Variants in WDFY4 observed in about 807,000 individuals in gnomAD.
The protein encoded by WDFY4 is WD repeat- and FYVE domain-containing protein 4.
In WDFY4, 169 loss-of-function variants were observed where a neutral mutation model predicts 351.9. That is an observed-to-expected ratio of 0.48 (90% CI 0.42 to 0.55). WDFY4 has a LOEUF of 0.55. Among genes scored for constraint, WDFY4 ranks in the 20% least tolerant of loss-of-function variants. The pLI, the probability that WDFY4 is intolerant of heterozygous loss-of-function variation, is 0.00. For synonymous variants in WDFY4, 1,622 were observed against 1,574.6 expected (o/e 1.03, Z -0.71); for missense variants, 3,803 against 3,935.6 (o/e 0.97, Z 0.90).
intron 11 of WDFY4, among the ~76,000 whole-genome samples, chr10:48,741,080 A>G (rs1259419894): frequency 2.0e-5 from 3 of 152,086 alleles, no homozygotes; most frequent in Non-Finnish European, 4.4e-5. Flanking sequence ...GGGGCCCTGG[A>G]AGCCCTTTAT....
At chr10:48,946,594 T>A (rs191012638) in intron 50 of WDFY4, among the ~76,000 whole-genome samples, 1 of 152,338 alleles carries the variant, frequency 6.6e-6, no homozygotes, top group East Asian at 1.9e-4. Context: ...TTGCTCAAGA[T>A]CACAGCCTCT....
chr10:48,773,037 G>GA (rs1056058195), intron 13 of WDFY4, among the ~76,000 whole-genome samples: 7 of 152,012 alleles, frequency 4.6e-5, no homozygotes, highest in Non-Finnish European at 7.4e-5. Flanking sequence ...AGCAGCATGA[G>GA]AAAAAAATGC....
At chr10:48,900,333 A>T in intron 46 of WDFY4, 27 bp downstream of exon 46, 1 of 1,536,838 alleles carries the variant, frequency 6.5e-7, no homozygotes, top group Non-Finnish European at 8.8e-7. Context: ...CCTCCTTCTG[A>T]GGAAACTGAT....
intron 1 of WDFY4, among the ~76,000 whole-genome samples, chr10:48,707,718 G>C (rs2063668776): frequency 6.6e-6 from 1 of 152,198 alleles, no homozygotes; most frequent in Admixed American, 6.5e-5. Flanking sequence ...TGGAAATCAG[G>C]TGCTGTGTGT....
In WDFY4 at chr10:48,926,421, C is replaced by G. The variant is rs572659060; in HGVS notation, c.7587-15385C>G. Among the ~76,000 whole-genome samples, 5 of 152,302 alleles carry G rather than the reference C, an allele frequency of 3.3e-5. No homozygotes were observed. The South Asian group carries it at 1.0e-3, about 32-fold the overall frequency. Reference sequence around the variant, plus strand: ...GCAATGTCACCCCCTAGAGAGTCTGCTAAATGAAGGATGGTGTGCACTCTG... The same window carrying G: ...GCAATGTCACCCCCTAGAGAGTCTGGTAAATGAAGGATGGTGTGCACTCTG... On this transcript the variant is annotated intron_variant, in intron 47 of 61. Transcript: ENST00000325239.
In WDFY4 at chr10:48,951,457, C is replaced by CA. The variant is rs201404323; in HGVS notation, c.7977+4489dup. On this transcript the variant is annotated intron_variant, in intron 51 of 61. Transcript: ENST00000325239. ...TGAGACATGGTCTTGCTCTGTCACT[C>CA]AGGCTAGAGTACAGTGGCATGATCA... is the stretch of plus-strand genomic sequence containing the variant. Among the ~76,000 whole-genome samples the CA allele has an allele frequency of 3.5e-3, 533 of 152,248 alleles. 8 individuals are homozygous for CA. The highest frequency in any genetic ancestry group is 0.012 in the African/African-American group (506 of 41,554).
chr10:48,882,634 G>A (rs1589806911), intron 43 of WDFY4, among the ~76,000 whole-genome samples: 1 of 152,192 alleles, frequency 6.6e-6, no homozygotes, highest in South Asian at 2.1e-4. Context: ...TCCAGTCATG[G>A]TGGAAGGTGA....
At chr10:48,883,389 G>GGGGT (rs2070331622) in intron 43 of WDFY4, among the ~76,000 whole-genome samples, 1 of 150,584 alleles carries the variant, frequency 6.6e-6, no homozygotes, top group Non-Finnish European at 1.5e-5. Flanking sequence ...TTGTGCAAGG[G>GGGGT]GTGTGTGTGT....
chr10:48,969,087 T>G lies in WDFY4; in HGVS notation c.8608T>G (p.Ser2870Ala). 1 of 1,551,402 alleles carries G rather than the reference T, an allele frequency of 6.4e-7. No individual in the cohort carries two copies. The highest frequency in any genetic ancestry group is 8.7e-7 in the Non-Finnish European group (1 of 1,146,812). ...AGATATGTACCTCTTTTCTCTAGGC[T>G]CAGAGTCCCCCAAAGGGGCCATTGG... is the stretch of plus-strand genomic sequence containing the variant. The part of the protein sequence containing the change: ...VKDMYLFSLG[S>A]ESPKGAIGHI... Residue 2870 changes from serine (S) to alanine (A), a missense_variant, in exon 56 of 62, where the codon TCA (serine) becomes GCA (alanine). Coordinates refer to ENST00000325239, the MANE Select transcript of WDFY4 (RefSeq NM_001394531.1).
chr10:48,882,230 T>A (rs908646328), intron 43 of WDFY4, among the ~76,000 whole-genome samples: 2 of 151,462 alleles, frequency 1.3e-5, no homozygotes, highest in Non-Finnish European at 2.9e-5. Flanking sequence ...GTGGGGAGGG[T>A]CTTGACTGGA....
Position 48,955,110 on chromosome 10 carries a change from T to C in WDFY4, c.7978-2019T>C, listed in dbSNP as rs73298920. Among the ~76,000 whole-genome samples, 301 of 152,364 alleles carry C rather than the reference T, an allele frequency of 2.0e-3. 1 individual carries two copies. The highest frequency in any genetic ancestry group is 6.8e-3 in the African/African-American group (283 of 41,594). On this transcript the variant is annotated intron_variant, in intron 51 of 61. Coordinates refer to ENST00000325239, the MANE Select transcript of WDFY4 (RefSeq NM_001394531.1). ...CATCAATCTCCCGCAGATGCAAGGC[T>C]TGGGCTGCAGATTAAATATACAATG...
intron 39 of WDFY4, among the ~76,000 whole-genome samples, chr10:48,847,124 C>G (rs764707254): frequency 6.6e-5 from 10 of 152,098 alleles, no homozygotes; most frequent in Non-Finnish European, 1.5e-4. Context: ...GCTAGAGGTC[C>G]GAGAAGAAAG....
intron 3 of WDFY4, among the ~76,000 whole-genome samples, 169 bp downstream of exon 3, chr10:48,720,294 G>T (rs1199923644): frequency 1.3e-5 from 2 of 152,196 alleles, no homozygotes; most frequent in African/African-American, 4.8e-5. Flanking sequence ...CAAGGGAAAT[G>T]CAGGAGGAGG....
At chr10:48,924,054 C>A (rs1839358780) in intron 47 of WDFY4, among the ~76,000 whole-genome samples, 1 of 152,224 alleles carries the variant, frequency 6.6e-6, no homozygotes, top group Admixed American at 6.5e-5. Flanking sequence ...GAGCCTCTCT[C>A]CAAAGGGCCC....
In WDFY4 at chr10:48,722,880, T is replaced by A. The variant is rs193212948; in HGVS notation, c.457-553T>A. On this transcript the variant is annotated intron_variant, in intron 4 of 61. Transcript: ENST00000325239. ...TGTCTGGCAGCCCTGAGCTGTTTAG[T>A]TGAGTTGCTGGCTGTCTGATTGTCA... Among the ~76,000 whole-genome samples the A allele has an allele frequency of 2.1e-3, 325 of 152,322 alleles. 3 individuals are homozygous for A. The highest frequency in any genetic ancestry group is 3.4e-3 in the Middle Eastern group (1 of 294).
Position 48,963,836 on chromosome 10 carries a change from T to C in WDFY4, c.8224-6T>C. The C allele has an allele frequency of 6.4e-7, 1 of 1,551,498 alleles. No homozygotes were observed. Among genetic ancestry groups the C allele is most frequent in the Non-Finnish European group, 8.7e-7 (1 of 1,146,970 alleles). On this transcript the variant is annotated splice_polypyrimidine_tract_variant and splice_region_variant and intron_variant, in intron 53 of 61. Transcript: ENST00000325239. Reference sequence around the variant, plus strand: ...GGTTTTAATGCTCTTTGGGTTTTTGTTCCAGGCCCTGGAAAGTGACTTTGT... The same window carrying C: ...GGTTTTAATGCTCTTTGGGTTTTTGCTCCAGGCCCTGGAAAGTGACTTTGT...
chr10:48,697,193 A>G (rs1282048949), intron 1 of WDFY4, among the ~76,000 whole-genome samples: 1 of 152,352 alleles, frequency 6.6e-6, no homozygotes, highest in East Asian at 1.9e-4. Context: ...GCTCACAGGT[A>G]ACTTAGGAGC....
chr10:48,728,031 CAATG>C (rs2064327290), intron 7 of WDFY4, among the ~76,000 whole-genome samples: 1 of 152,202 alleles, frequency 6.6e-6, no homozygotes, highest in South Asian at 2.1e-4. Flanking sequence ...AGCTGCCCAC[CAATG>C]ACTGAAGGTG....
rs2067899075 is a variant in WDFY4, at chr10:48,823,538, A to C, written c.5982+1001A>C. 39 of 1,093,070 alleles carry C rather than the reference A, an allele frequency of 3.6e-5. 1 individual carries two copies. The South Asian group carries it at 9.2e-4, about 26-fold the overall frequency. The allele number at this position is 1,093,070 out of a possible 1,614,324, so 67.7% of individuals were successfully genotyped here. On this transcript the variant is annotated intron_variant, in intron 35 of 61. Transcript: ENST00000325239. ...AGCCATCTTCACTTGTCTGATGAGC[A>C]GGTCCAAGCAAACCTGGAAAGACTT...
Sources: gnomAD v4.1 joint callset for allele counts (sites outside exome capture counted in the v4.1 genomes callset) on GRCh38, gnomAD v4.1.1 for gene constraint, MANE v1.5 for transcripts, NCBI Gene and HGNC (gene_info 2026-07-23, HGNC 2026-07-21) for gene names.